MAP9: variants seen among roughly 807,000 people sequenced by gnomAD.
The protein encoded by MAP9 is microtubule-associated protein 9.
A neutral mutation model predicts 75.2 loss-of-function variants in MAP9; 80 were observed. That is an observed-to-expected ratio of 1.06 (90% CI 0.89 to 1.28). MAP9 has a LOEUF of 1.28. Among genes scored for constraint, MAP9 ranks in the 50% most tolerant of loss-of-function variants. MAP9 has a pLI of 0.00. For synonymous variants in MAP9, 235 were observed against 237.3 expected (o/e 0.99, Z 0.09); for missense variants, 753 against 719.9 (o/e 1.05, Z -0.53).
rs546732517 is a variant in MAP9 at position 155,357,536 on chromosome 4, G to A, written c.1051-17C>T. ...AATTGTTTTCTATTAAACAGAAAAT[G>A]CCAAAGATGATTTATTCATGACAAC... On this transcript the variant is annotated splice_polypyrimidine_tract_variant and intron_variant, in intron 7 of 13. Coordinates refer to ENST00000311277, the MANE Select transcript of MAP9 (RefSeq NM_001039580.2). 1.2e-5 allele frequency: 17 copies of A among 1,401,972 alleles called. No homozygotes were observed. The South Asian group carries it at 1.8e-4, about 15-fold the overall frequency. The allele number at this position is 1,401,972 out of a possible 1,614,324, so 86.8% of individuals were successfully genotyped here. A position where few individuals can be genotyped will look rare whatever the true frequency, so the allele number is the denominator to read the frequency against.
Position 155,360,326 on chromosome 4 carries a change from C to A in MAP9, c.892G>T (p.Ala298Ser). The A allele has an allele frequency of 3.7e-6, 6 of 1,613,038 alleles. No individual in the cohort carries two copies. The highest frequency in any genetic ancestry group is 5.1e-6 in the Non-Finnish European group (6 of 1,179,346). ...TGACTTTCCTTGGATTTCTCAACTG[C>A]AGTAGTCACATGGTCTGCTGAAAAT... ...NSFSADHVTT[A>S]VEKSKESQVT... The change falls in exon 7 of 14, where the codon GCA (alanine) becomes TCA (serine). Residue 298 changes from alanine to serine, a missense_variant. By Grantham distance (99) the Ala-to-Ser change is moderately conservative. Transcript: ENST00000311277.
chr4:155,368,818 A>T lies in MAP9; in HGVS notation c.482-6T>A, dbSNP rs1490228570. ...GTCAAGGCTGTTGTTTTCTGCTGAA[A>T]AATAAAATGCTTAAAGTGTGTGTAT... On this transcript the variant is annotated splice_region_variant and splice_polypyrimidine_tract_variant and intron_variant, in intron 4 of 13. Transcript: ENST00000311277. The T allele has an allele frequency of 1.9e-6, 3 of 1,597,038 alleles. No individual in the cohort carries two copies. In the South Asian group the frequency reaches 3.4e-5, roughly 18 times the overall value.
rs768843003 is a variant in MAP9, at chr4:155,352,553, G to C, written c.1821+43C>G. 1.9e-6 allele frequency: 3 copies of C among 1,539,862 alleles called. No individual in the cohort carries two copies. In the Admixed American group the frequency reaches 5.8e-5, roughly 30 times the overall value. The stretch of plus-strand genomic sequence containing the variant: ...AATTAGGGACAGAAAAGACACAAAA[G>C]GTACATGAAAAAGACGAAAGTGCAT... On this transcript the variant is annotated intron_variant, in intron 13 of 13. Transcript: ENST00000311277.
rs1408346063 is a variant in MAP9 at position 155,368,685 on chromosome 4, T to C, written c.609A>G (p.Glu203=). The C allele has an allele frequency of 6.2e-7, 1 of 1,614,208 alleles. No homozygotes were observed. Among genetic ancestry groups the C allele is most frequent in the Non-Finnish European group, 8.5e-7 (1 of 1,180,006 alleles). Residue 203 remains glutamate, a synonymous_variant, in exon 5 of 14, where the codon GAA becomes GAG. Coordinates refer to ENST00000311277, the MANE Select transcript of MAP9 (RefSeq NM_001039580.2). Reference sequence around the variant, plus strand: ...AAGGTGCAGAATGTAACTCCAATTCTTCACTGAGGGCAGTTTCTTTATCTT... The same window carrying C: ...AAGGTGCAGAATGTAACTCCAATTCCTCACTGAGGGCAGTTTCTTTATCTT... ...GLEDKETALS[E]ELELHSAPSS...
At chr4:155,369,720 T>C (rs1460053785) in intron 4 of MAP9, among the ~76,000 whole-genome samples, 1 of 152,146 alleles carries the variant, frequency 6.6e-6, no homozygotes, top group Non-Finnish European at 1.5e-5. Context: ...GGGATAGGAG[T>C]GCTAACTCTC....
chr4:155,357,578 A>C, intron 7 of MAP9, 59 bp from the exon 8 acceptor site: 1 of 1,009,574 alleles, frequency 9.9e-7, no homozygotes, highest in Non-Finnish European at 1.5e-6. Flanking sequence ...TTTTAGGCTT[A>C]GAAGCCAAAC....
intron 5 of MAP9, chr4:155,362,454 A>G (rs72692401): frequency 0.069 from 13,199 of 192,682 alleles, 534 homozygotes; most frequent in Middle Eastern, 0.13. Flanking sequence ...CATTTCTTAT[A>G]AATATTTAAG....
intron 10 of MAP9, 128 bp downstream of exon 10, chr4:155,354,943 C>T (rs1043344413): frequency 1.1e-4 from 54 of 475,206 alleles, no homozygotes; most frequent in African/African-American, 9.6e-4. Context: ...GAAGTAAAAC[C>T]GGAAATCATT....
At position 155,347,673 on chromosome 4, in the gene MAP9, G is replaced by A. The variant is rs945071289; in HGVS notation, c.*110C>T. 243 of 1,054,568 alleles carry A rather than the reference G, an allele frequency of 2.3e-4. No homozygotes were observed. The highest frequency in any genetic ancestry group is 2.5e-4 in the Non-Finnish European group (188 of 756,534). The allele number at this position is 1,054,568 out of a possible 1,614,324, so 65.3% of individuals were successfully genotyped here. On this transcript the variant is annotated 3_prime_UTR_variant, in exon 14 of 14. Coordinates refer to ENST00000311277, the MANE Select transcript of MAP9 (RefSeq NM_001039580.2). The stretch of plus-strand genomic sequence containing the variant: ...TCTTTCATTGTCAGCAGGAGTGTCT[G>A]GCATTTAATTAAAATATATTCCTCT...
chr4:155,368,989 T>C (rs1041565506), intron 4 of MAP9, 177 bp from the exon 5 acceptor site: 2 of 572,852 alleles, frequency 3.5e-6, no homozygotes, highest in East Asian at 2.8e-5. Flanking sequence ...CACAAATAAA[T>C]GATGGTTAAT....
rs201434920 is a variant in MAP9 at position 155,347,748 on chromosome 4, C to G, written c.*35G>C. 56 of 1,554,842 alleles carry G rather than the reference C, an allele frequency of 3.6e-5. No individual in the cohort carries two copies. The highest frequency in any genetic ancestry group is 4.7e-5 in the Non-Finnish European group (54 of 1,152,854). ...AAATCTATGGCTAATATTGGCAAAC[C>G]GATAAATAACCAAATAATGTAAGAA... On this transcript the variant is annotated 3_prime_UTR_variant, in exon 14 of 14. Transcript: ENST00000311277.
At chr4:155,356,144 G>A (rs1731776040) in intron 8 of MAP9, among the ~76,000 whole-genome samples, 1 of 152,100 alleles carries the variant, frequency 6.6e-6, no homozygotes, top group Admixed American at 6.5e-5. Context: ...GCACATGCCT[G>A]TAGTCATAGC....
At position 155,355,814 on chromosome 4, in the gene MAP9, G is replaced by A; in HGVS notation, c.1192C>T (p.His398Tyr). ...RRTPSTTTSS[H>Y]YLGTLKVLDQ... ...AAGACTTTTAAAGTCCCTAAATAGTGAGAAGAGGTAGTTGTCGATGGAGTT... is the reference window on the plus strand; with the variant it reads ...AAGACTTTTAAAGTCCCTAAATAGTAAGAAGAGGTAGTTGTCGATGGAGTT... Residue 398 changes from histidine to tyrosine, a missense_variant, in exon 9 of 14, where the codon CAC (histidine) becomes TAC (tyrosine). Coordinates refer to ENST00000311277, the MANE Select transcript of MAP9 (RefSeq NM_001039580.2). The A allele has an allele frequency of 1.9e-6, 3 of 1,613,764 alleles. No individual in the cohort carries two copies. Among genetic ancestry groups the A allele is most frequent in the Non-Finnish European group, 2.5e-6 (3 of 1,179,770 alleles).
chr4:155,349,712 A>T (rs1420457562), intron 13 of MAP9: 1 of 152,200 alleles, frequency 6.6e-6, no homozygotes, highest in Non-Finnish European at 1.5e-5. Context: ...CTGTAATTAG[A>T]TCATCTTCAA....
At position 155,352,696 on chromosome 4, in the gene MAP9, T is replaced by G; in HGVS notation, c.1721A>C (p.Lys574Thr). 1 of 1,562,554 alleles carries G rather than the reference T, an allele frequency of 6.4e-7. No individual in the cohort carries two copies. Among genetic ancestry groups the G allele is most frequent in the Non-Finnish European group, 8.7e-7 (1 of 1,148,174 alleles). Residue 574 changes from lysine (K) to threonine (T), a missense_variant, in exon 13 of 14, where the codon AAG (lysine) becomes ACG (threonine). Physicochemically the swap from Lys to Thr is moderately conservative, Grantham distance 78 (BLOSUM62 -1). Transcript: ENST00000311277. ...NEKKEAFFKQ[K>T]EKEKINEKRK... ...TTTCTCATTTATTTTTTCTTTTTCC[T>G]TTTGCTTGAAAAAAGCTTCCTTTTT...
intron 3 of MAP9, among the ~76,000 whole-genome samples, chr4:155,373,703 T>C (rs992452275): frequency 2.6e-5 from 4 of 152,202 alleles, no homozygotes; most frequent in Admixed American, 6.5e-5. Flanking sequence ...GTGTTGTCTG[T>C]AGGGTACCAA....
chr4:155,360,682 C>T (rs994751961), intron 6 of MAP9, among the ~76,000 whole-genome samples: 4 of 151,882 alleles, frequency 2.6e-5, no homozygotes, highest in Non-Finnish European at 5.9e-5. Context: ...AATAACTACC[C>T]TAAAACAACG....
intron 7 of MAP9, among the ~76,000 whole-genome samples, chr4:155,358,039 G>A (rs373634942): frequency 5.3e-4 from 81 of 152,294 alleles, no homozygotes; most frequent in African/African-American, 1.4e-3. Flanking sequence ...GCAGCGATGA[G>A]GAGTCTGGAT....
intron 8 of MAP9, chr4:155,357,163 A>C (rs574277274): frequency 3.2e-6 from 1 of 309,962 alleles, no homozygotes; most frequent in African/African-American, 2.2e-5. Flanking sequence ...GACATTAAGA[A>C]AGAAGAAAAA....
Sources: gnomAD v4.1 joint callset for allele counts (sites outside exome capture counted in the v4.1 genomes callset) on GRCh38, gnomAD v4.1.1 for gene constraint, MANE v1.5 for transcripts, NCBI Gene and HGNC (gene_info 2026-07-23, HGNC 2026-07-21) for gene names.